AAK1: variants seen among roughly 807,000 people sequenced by gnomAD.
AAK1 encodes the protein AP2-associated protein kinase 1.
A neutral mutation model predicts 116.0 loss-of-function variants in AAK1; 37 were observed. The ratio of observed to expected loss-of-function variants is 0.32; its 90% CI spans 0.25 to 0.42. AAK1 has a LOEUF of 0.42. AAK1 is among the 10% of genes least tolerant of loss of function. The pLI, the probability that AAK1 is intolerant of heterozygous loss-of-function variation, is 1.00. For missense variants in AAK1, 919 were observed against 1,170.6 expected, an observed-to-expected ratio of 0.79 and a Z score of 3.14; for synonymous variants, 458 against 439.9, an observed-to-expected ratio of 1.04 and a Z score of -0.51.
rs981780545 is a variant in AAK1, at chr2:69,468,432, T to C, written c.*7437A>G. The C allele has an allele frequency of 2.0e-5, 20 of 985,328 alleles. No homozygotes were observed. The highest frequency in any genetic ancestry group is 1.4e-4 in the South Asian group (3 of 21,286). The allele number at this position is 985,328 out of a possible 1,614,324, so 61.0% of individuals were successfully genotyped here. A position where few individuals can be genotyped will look rare whatever the true frequency, so the allele number is the denominator to read the frequency against. On this transcript the variant is annotated 3_prime_UTR_variant, in exon 22 of 22. Transcript: ENST00000409085. ...AACCACCTTCCTCACATAGTATCAG[T>C]TGGACAAAGTTTTCAGTTGCCAAAA... is the stretch of plus-strand genomic sequence containing the variant.
At chr2:69,487,861 C>G (rs1232863590) in intron 17 of AAK1, among the ~76,000 whole-genome samples, 1 of 149,764 alleles carries the variant, frequency 6.7e-6, no homozygotes, top group Non-Finnish European at 1.5e-5. Context: ...GCGATCTCAG[C>G]TCACTGCAAC....
At chr2:69,558,576 T>G (rs1353250070) in intron 2 of AAK1, among the ~76,000 whole-genome samples, 1 of 152,208 alleles carries the variant, frequency 6.6e-6, no homozygotes, top group Non-Finnish European at 1.5e-5. Context: ...TCTGCCTGCC[T>G]TGTACATTGT....
At chr2:69,567,415 C>T (rs1671922454) in intron 2 of AAK1, among the ~76,000 whole-genome samples, 1 of 152,136 alleles carries the variant, frequency 6.6e-6, no homozygotes, top group Non-Finnish European at 1.5e-5. Flanking sequence ...GCCTTCTTCC[C>T]CTGTACACTC....
At position 69,481,037 on chromosome 2, in the gene AAK1, A is replaced by C. The variant is rs144124242; in HGVS notation, c.2468-76T>G. ...GAAGTTTCTTTAGGAAATTCTGTGA[A>C]GCTTTCTTCTTTTTTTTTAATTCTC... On this transcript the variant is annotated intron_variant, in intron 18 of 21. Transcript: ENST00000409085. The C allele has an allele frequency of 3.3e-4, 408 of 1,229,104 alleles. 5 individuals carry two copies. In the East Asian group the frequency reaches 0.01, roughly 31 times the overall value. The allele number at this position is 1,229,104 out of a possible 1,614,324, so 76.1% of individuals were successfully genotyped here.
At chr2:69,574,377 CAA>C (rs58486434) in intron 2 of AAK1, among the ~76,000 whole-genome samples, 978 of 74,864 alleles carry the variant, frequency 0.013, 7 homozygotes, top group African/African-American at 0.044. Context: ...GACTCCCTCT[CAA>C]AAAAAAAAAA....
At chr2:69,533,356 G>A (rs934699867) in intron 5 of AAK1, among the ~76,000 whole-genome samples, 1 of 152,142 alleles carries the variant, frequency 6.6e-6, no homozygotes, top group Non-Finnish European at 1.5e-5. Flanking sequence ...TCAGGCGCAA[G>A]ATAGGAGCCA....
rs1414803280 is a variant in AAK1 at position 69,509,380 on chromosome 2, G to T, written c.1857C>A (p.Leu619=). The T allele has an allele frequency of 6.2e-7, 1 of 1,613,986 alleles. No homozygotes were observed. The highest frequency in any genetic ancestry group is 8.5e-7 in the Non-Finnish European group (1 of 1,179,884). Residue 619 remains leucine (L), a synonymous_variant, in exon 14 of 22, where the codon CTC becomes CTA. Transcript: ENST00000409085. Reference sequence around the variant, plus strand: ...GGGTTTTGGGGGATGAGGGTGGAGTGAGAGATCCAACTTTCTGCCCCTGGA... The same window carrying T: ...GGGTTTTGGGGGATGAGGGTGGAGTTAGAGATCCAACTTTCTGCCCCTGGA... ...PAVQGQKVGS[L]TPPSSPKTQR...
chr2:69,480,224 T>G (rs563984696), intron 19 of AAK1, among the ~76,000 whole-genome samples: 10 of 150,738 alleles, frequency 6.6e-5, no homozygotes, highest in Admixed American at 3.3e-4. Context: ...CTATCCAAGT[T>G]TGAAAACCAG....
At position 69,474,127 on chromosome 2, in the gene AAK1, AG is replaced by A; in HGVS notation, c.*1741del. Reference sequence around the variant, plus strand: ...TTTCAAAGGCTACTCGCACATTCCTAGGGTCAAACCTTGCCCTCCAGAATGC... The same window carrying A: ...TTTCAAAGGCTACTCGCACATTCCTAGGTCAAACCTTGCCCTCCAGAATGC... On this transcript the variant is annotated 3_prime_UTR_variant, in exon 22 of 22. Transcript: ENST00000409085. 3 of 985,880 alleles carry A rather than the reference AG, an allele frequency of 3.0e-6. No individual in the cohort carries two copies. Among genetic ancestry groups the A allele is most frequent in the Non-Finnish European group, 3.6e-6 (3 of 829,952 alleles). The allele number at this position is 985,880 out of a possible 1,614,324, so 61.1% of individuals were successfully genotyped here.
At chr2:69,553,411 T>C (rs189495650) in intron 3 of AAK1, among the ~76,000 whole-genome samples, 3 of 141,704 alleles carry the variant, frequency 2.1e-5, no homozygotes, top group Admixed American at 1.4e-4. Flanking sequence ...GAACATAAAA[T>C]AAAGATACTT....
chr2:69,530,026 C>T lies in AAK1; in HGVS notation c.853G>A (p.Asp285Asn). Residue 285 changes from aspartate to asparagine, a missense_variant, in exon 8 of 22, where the codon GAC (aspartate) becomes AAC (asparagine). This residue lies in a region of AAK1 where 317 missense variants were observed against 490.4 expected (regional missense o/e 0.65). Coordinates refer to ENST00000409085, the MANE Select transcript of AAK1 (RefSeq NM_014911.5). ...TIPDNSRYSQ[D>N]MHCLIRYMLE... Reference sequence around the variant, plus strand: ...TACTTACTAATTAGGCAGTGCATGTCTTGAGAATATCGAGAATTATCAGGA... The same window carrying T: ...TACTTACTAATTAGGCAGTGCATGTTTTGAGAATATCGAGAATTATCAGGA... The T allele has an allele frequency of 1.3e-6, 2 of 1,595,256 alleles. No homozygotes were observed. Among genetic ancestry groups the T allele is most frequent in the Non-Finnish European group, 1.7e-6 (2 of 1,170,956 alleles).
rs1279864964 is a variant in AAK1 at position 69,474,828 on chromosome 2, C to A, written c.*1041G>T. On this transcript the variant is annotated 3_prime_UTR_variant, in exon 22 of 22. Coordinates refer to ENST00000409085, the MANE Select transcript of AAK1 (RefSeq NM_014911.5). ...AAGAAATCAAAACCCTGTACAGACA[C>A]CTGATATCAGACTTGAAATGCCAAG... 7 of 985,630 alleles carry A rather than the reference C, an allele frequency of 7.1e-6. No individual in the cohort carries two copies. Among genetic ancestry groups the A allele is most frequent in the Non-Finnish European group, 7.2e-6 (6 of 829,922 alleles). 61.1% of individuals were successfully genotyped at this position (985,630 alleles called of 1,614,324 possible).
At chr2:69,605,475 C>T (rs141757079) in intron 2 of AAK1, among the ~76,000 whole-genome samples, 276 of 152,170 alleles carry the variant, frequency 1.8e-3, no homozygotes, top group African/African-American at 5.6e-3. Context: ...CAGGAAGTTG[C>T]GAAAATAGTG....
intron 2 of AAK1, among the ~76,000 whole-genome samples, chr2:69,562,735 C>CA (rs1210566010): frequency 2.0e-5 from 3 of 152,042 alleles, no homozygotes; most frequent in Non-Finnish European, 4.4e-5. Context: ...ACTAAAAATA[C>CA]AAAAATTAGC....
intron 3 of AAK1, among the ~76,000 whole-genome samples, chr2:69,554,035 C>T (rs926719932): frequency 1.3e-5 from 2 of 151,612 alleles, no homozygotes; most frequent in Non-Finnish European, 2.9e-5. Context: ...TATGATTGTG[C>T]CACTACGCTC....
intron 2 of AAK1, chr2:69,597,233 C>T (rs1272558844): frequency 2.0e-5 from 3 of 152,038 alleles, no homozygotes; most frequent in South Asian, 2.1e-4. Flanking sequence ...AAACTACATA[C>T]AGCTAAATGT....
In AAK1 at chr2:69,476,971, G is replaced by A. The variant is rs780577780; in HGVS notation, c.2700C>T (p.Leu900=). 13 of 1,612,188 alleles carry A rather than the reference G, an allele frequency of 8.1e-6. No homozygotes were observed. Among genetic ancestry groups the A allele is most frequent in the African/African-American group, 1.3e-5 (1 of 74,856 alleles). Residue 900 remains leucine, a synonymous_variant, in exon 21 of 22, where the codon CTC becomes CTT. Transcript: ENST00000409085. ...PVHKAAEDSN[L]ISGFDVPEGS... The stretch of plus-strand genomic sequence containing the variant: ...CCTCAGGGACATCAAAACCTGAGAT[G>A]AGATTACTATCTTCTGCAGCTTAAT...
chr2:69,525,555 G>A (rs950991220), intron 9 of AAK1, among the ~76,000 whole-genome samples: 2 of 152,212 alleles, frequency 1.3e-5, no homozygotes, highest in Non-Finnish European at 2.9e-5. Flanking sequence ...AGGGTGCACT[G>A]AGTCTGCAAG....
chr2:69,622,663 T>A (rs1274260682), intron 2 of AAK1, among the ~76,000 whole-genome samples: 1 of 151,838 alleles, frequency 6.6e-6, no homozygotes. Context: ...CTGTATCTAG[T>A]TAATCTGGTG....
Sources: gnomAD v4.1 joint callset for allele counts (sites outside exome capture counted in the v4.1 genomes callset) on GRCh38, gnomAD v4.1.1 for gene constraint, gnomAD v4.1.1 regional missense constraint, MANE v1.5 for transcripts, NCBI Gene and HGNC (gene_info 2026-07-23, HGNC 2026-07-21) for gene names.